The following FAM167A variants were observed in gnomAD, a reference collection of about 807,000 sequenced individuals.
FAM167A encodes protein FAM167A.
Under a neutral mutation model 14.9 loss-of-function variants are expected in FAM167A, and 23 were observed. The observed-to-expected ratio is 1.55, with a 90% CI of 1.11 to 2.19. The LOEUF (loss-of-function observed/expected upper bound fraction) is 2.19. FAM167A is among the 30% of genes most tolerant of loss of function. The pLI, the probability that FAM167A is intolerant of heterozygous loss-of-function variation, is 0.00. For missense variants in FAM167A, 401 were observed against 281.5 expected, an observed-to-expected ratio of 1.42 and a Z score of -3.04; for synonymous variants, 174 against 117.7, an observed-to-expected ratio of 1.48 and a Z score of -3.10.
chr8:11,464,313 T>C (rs1807664777), intron 1 of FAM167A, among the ~76,000 whole-genome samples: 1 of 152,166 alleles, frequency 6.6e-6, no homozygotes, highest in Non-Finnish European at 1.5e-5. Flanking sequence ...AGCTGAGACC[T>C]GCGGCCTACC....
intron 1 of FAM167A, among the ~76,000 whole-genome samples, chr8:11,451,318 G>C (rs1405008025): frequency 6.6e-6 from 1 of 152,208 alleles, no homozygotes; most frequent in Non-Finnish European, 1.5e-5. Flanking sequence ...GCCCGCAGCT[G>C]GGCCCCGTGG....
intron 1 of FAM167A, among the ~76,000 whole-genome samples, chr8:11,461,549 C>A (rs558751367): frequency 6.6e-6 from 1 of 152,234 alleles, no homozygotes; most frequent in African/African-American, 2.4e-5. Flanking sequence ...CCTGGCTATA[C>A]AAACAGGAAA....
At chr8:11,449,129 C>T (rs936885298) in intron 1 of FAM167A, among the ~76,000 whole-genome samples, 14 of 152,224 alleles carry the variant, frequency 9.2e-5, no homozygotes, top group African/African-American at 2.9e-4. Context: ...AGTCAGACCG[C>T]GAGGAGTTGC....
chr8:11,440,129 C>T (rs1390466938), intron 2 of FAM167A, among the ~76,000 whole-genome samples: 1 of 152,208 alleles, frequency 6.6e-6, no homozygotes, highest in Non-Finnish European at 1.5e-5. Context: ...ACTGCAGCTG[C>T]ACAACGGCCA....
chr8:11,473,400 T>A (rs547550591), intron 1 of FAM167A, among the ~76,000 whole-genome samples: 16 of 152,286 alleles, frequency 1.1e-4, no homozygotes, highest in African/African-American at 3.9e-4. Flanking sequence ...GGACTGCCTG[T>A]CATTCACCAG....
upstream of FAM167A, among the ~76,000 whole-genome samples, chr8:11,470,146 T>C (rs896324831): frequency 8.6e-5 from 13 of 151,990 alleles, no homozygotes; most frequent in African/African-American, 2.4e-4. Flanking sequence ...ATAAGCAATA[T>C]TGTGAGTGAT....
At chr8:11,431,998 G>T (rs1805636327) in intron 2 of FAM167A, among the ~76,000 whole-genome samples, 1 of 151,762 alleles carries the variant, frequency 6.6e-6, no homozygotes, top group South Asian at 2.1e-4. Flanking sequence ...GCTGTCCCTG[G>T]CAAAGGCTAG....
upstream of FAM167A, among the ~76,000 whole-genome samples, chr8:11,470,538 A>T (rs573043505): frequency 5.9e-5 from 9 of 152,320 alleles, 1 homozygote; most frequent in African/African-American, 1.4e-4. Context: ...GGGGAGCTCC[A>T]AATGCACAGC....
At chr8:11,465,679 C>T (rs1180726498) in intron 1 of FAM167A, among the ~76,000 whole-genome samples, 1 of 152,230 alleles carries the variant, frequency 6.6e-6, no homozygotes, top group Non-Finnish European at 1.5e-5. Flanking sequence ...ACGCTCCATC[C>T]CGAGCTTAGT....
At chr8:11,428,485 G>C (rs1468685741) in intron 2 of FAM167A, among the ~76,000 whole-genome samples, 2 of 152,248 alleles carry the variant, frequency 1.3e-5, no homozygotes, top group African/African-American at 4.8e-5. Context: ...GAAAGCTGCA[G>C]CTTCAACAGG....
At chr8:11,430,569 G>C (rs1287900411) in intron 2 of FAM167A, among the ~76,000 whole-genome samples, 4 of 152,212 alleles carry the variant, frequency 2.6e-5, no homozygotes, top group Non-Finnish European at 5.9e-5. Context: ...TTATCTCAAT[G>C]AAGTCATTTT....
intron 2 of FAM167A, among the ~76,000 whole-genome samples, chr8:11,430,151 G>C (rs759535622): frequency 6.6e-6 from 1 of 152,200 alleles, no homozygotes; most frequent in Non-Finnish European, 1.5e-5. Context: ...CTCCCAGCGT[G>C]GCCTGGTGTC....
rs2116972292 is a variant in FAM167A at position 11,424,478 on chromosome 8, G to A, written c.540C>T (p.Leu180=). 6.2e-7 allele frequency: 1 copy of A among 1,614,194 alleles called. No homozygotes were observed. Among genetic ancestry groups the A allele is most frequent in the Non-Finnish European group, 8.5e-7 (1 of 1,180,014 alleles). The change falls in exon 3 of 3, where the codon CTC becomes CTT. Residue 180 remains leucine (L), a synonymous_variant. Coordinates refer to ENST00000284486, the MANE Select transcript of FAM167A (RefSeq NM_053279.3). ...ELEERDELAD[L]FCDSPLASSF... is the part of the protein sequence containing the mutation. The stretch of plus-strand genomic sequence containing the variant: ...AGGAGGCAAGAGGGGAGTCACAGAA[G>A]AGGTCGGCCAGCTCATCCCGCTCCT...
intron 1 of FAM167A, among the ~76,000 whole-genome samples, chr8:11,454,513 C>T (rs970822821): frequency 6.6e-6 from 1 of 152,200 alleles, no homozygotes; most frequent in Admixed American, 6.5e-5. Context: ...CTGGGACCTG[C>T]GGTGGCTTCA....
upstream of FAM167A, among the ~76,000 whole-genome samples, chr8:11,471,735 GT>G (rs1378248895): frequency 6.6e-6 from 1 of 152,166 alleles, no homozygotes; most frequent in Non-Finnish European, 1.5e-5. Context: ...GGGGTCAGGG[GT>G]TGCCCTCTCA....
upstream of FAM167A, among the ~76,000 whole-genome samples, chr8:11,469,960 C>T (rs1168463238): frequency 6.6e-6 from 1 of 151,842 alleles, no homozygotes; most frequent in Non-Finnish European, 1.5e-5. Flanking sequence ...AGAATTTCTC[C>T]CAATTCGTTT....
upstream of FAM167A, among the ~76,000 whole-genome samples, chr8:11,471,405 C>T (rs747668932): frequency 6.6e-5 from 10 of 152,126 alleles, no homozygotes; most frequent in Non-Finnish European, 1.3e-4. Flanking sequence ...GAGGCCCACA[C>T]AGAGGTTGTT....
At chr8:11,461,789 G>A (rs1400696340) in intron 1 of FAM167A, among the ~76,000 whole-genome samples, 1 of 152,242 alleles carries the variant, frequency 6.6e-6, no homozygotes, top group Non-Finnish European at 1.5e-5. Flanking sequence ...TTGTCCAGAT[G>A]ATCTGATTTC....
chr8:11,455,879 G>T (rs1156413314), intron 1 of FAM167A, among the ~76,000 whole-genome samples: 1 of 146,984 alleles, frequency 6.8e-6, no homozygotes, highest in Non-Finnish European at 1.5e-5. Context: ...TGAGTGTGGG[G>T]TGGTTGCCTT....
Sources: gnomAD v4.1 joint callset for allele counts (sites outside exome capture counted in the v4.1 genomes callset) on GRCh38, gnomAD v4.1.1 for gene constraint, MANE v1.5 for transcripts, NCBI Gene and HGNC (gene_info 2026-07-23, HGNC 2026-07-21) for gene names.